The following PDZD2 variants were observed in gnomAD, a reference collection of about 807,000 sequenced individuals.
The protein encoded by PDZD2 is PDZ domain-containing protein 2.
In PDZD2, 90 loss-of-function variants were observed where a neutral mutation model predicts 220.7. That is an observed-to-expected ratio of 0.41 (90% CI 0.34 to 0.49). PDZD2 has a LOEUF of 0.49. Ranked by LOEUF, PDZD2 falls within the 20% of genes least tolerant of loss-of-function variation. The pLI is 0.28. For synonymous variants in PDZD2, 1,375 were observed against 1,450.5 expected, an observed-to-expected ratio of 0.95 and a Z score of 1.18; for missense variants, 3,174 against 3,608.5, an observed-to-expected ratio of 0.88 and a Z score of 3.08.
At chr5:31,668,723 A>G (rs1046956160) in intron 1 of PDZD2, among the ~76,000 whole-genome samples, 6 of 152,198 alleles carry the variant, frequency 3.9e-5, no homozygotes, top group African/African-American at 1.4e-4. Context: ...AGGGAAAACA[A>G]AATAATTCAA....
At chr5:31,692,000 T>TGCCCTGC (rs1478018307) in intron 1 of PDZD2, among the ~76,000 whole-genome samples, 1 of 152,230 alleles carries the variant, frequency 6.6e-6, no homozygotes, top group African/African-American at 2.4e-5. Context: ...GCCAGTCCTG[T>TGCCCTGC]GCCCTGCACC....
At chr5:32,093,161 A>ACAGC in intron 21 of PDZD2, 137 bp downstream of exon 21, 3 of 610,436 alleles carry the variant, frequency 4.9e-6, no homozygotes, top group Non-Finnish European at 8.9e-6. Context: ...TGCGAGTTTC[A>ACAGC]CAGCTCAGTC....
At chr5:31,889,716 G>A (rs567582690) in intron 2 of PDZD2, among the ~76,000 whole-genome samples, 6 of 152,192 alleles carry the variant, frequency 3.9e-5, no homozygotes, top group African/African-American at 1.4e-4. Context: ...TCCTCTTCTT[G>A]GAGGCATTAA....
chr5:32,031,465 T>A (rs186028568), intron 6 of PDZD2, among the ~76,000 whole-genome samples: 1 of 152,364 alleles, frequency 6.6e-6, no homozygotes, highest in African/African-American at 2.4e-5. Context: ...TTCAGGCACA[T>A]GCCTTTAAAA....
At chr5:31,676,721 A>G (rs1746442392) in intron 1 of PDZD2, among the ~76,000 whole-genome samples, 1 of 151,472 alleles carries the variant, frequency 6.6e-6, no homozygotes, top group South Asian at 2.1e-4. Context: ...CGCCCTGCTA[A>G]TTTTTGTATT....
chr5:31,639,314 G>C lies in PDZD2; in HGVS notation c.-484G>C, dbSNP rs1194931165. The C allele has an allele frequency of 6.7e-6, 1 of 149,906 alleles. No homozygotes were observed. Among genetic ancestry groups the C allele is most frequent in the Non-Finnish European group, 1.5e-5 (1 of 67,188 alleles). 9.3% of individuals were successfully genotyped at this position (149,906 alleles called of 1,614,324 possible). A position where few individuals can be genotyped will look rare whatever the true frequency, so the allele number is the denominator to read the frequency against. On this transcript the variant is annotated 5_prime_UTR_variant, in exon 1 of 25. Coordinates refer to ENST00000438447, the MANE Select transcript of PDZD2 (RefSeq NM_178140.4). This position sits in a 1 kb window ranked among gnomAD's most constrained non-coding sequence, Gnocchi z 4.1. ...CGGCGAACCGCGGCTCTGCAGCTCGGGGCAGGCGCGGCGGCGGCACCGGTG... is the reference window on the plus strand; with the variant it reads ...CGGCGAACCGCGGCTCTGCAGCTCGCGGCAGGCGCGGCGGCGGCACCGGTG...
At chr5:31,811,481 T>A (rs1376136345) in intron 2 of PDZD2, among the ~76,000 whole-genome samples, 2 of 152,186 alleles carry the variant, frequency 1.3e-5, no homozygotes. Flanking sequence ...TGACTTAAAT[T>A]TAGCCATGTC....
At chr5:31,815,305 G>T (rs1439415275) in intron 2 of PDZD2, among the ~76,000 whole-genome samples, 1 of 145,244 alleles carries the variant, frequency 6.9e-6, no homozygotes, top group South Asian at 2.1e-4. Context: ...GACTGTAAAA[G>T]GTGCTAGACT....
At position 31,996,179 on chromosome 5, in the gene PDZD2, TC is replaced by T. The variant is rs756827305; in HGVS notation, c.1121+462del. On this transcript the variant is annotated intron_variant, in intron 4 of 24. Transcript: ENST00000438447. ...TCCACTTGTCAGGTCTATCAGGATT[TC>T]AGGCATACTTAGATATATGTATCTC... Among the ~76,000 whole-genome samples the T allele has an allele frequency of 2.8e-4, 42 of 152,318 alleles. No homozygotes were observed. In the Middle Eastern group the frequency reaches 0.01, roughly 37 times the overall value.
At position 31,974,128 on chromosome 5, in the gene PDZD2, C is replaced by T. The variant is rs545946889; in HGVS notation, c.477-9027C>T. Among the ~76,000 whole-genome samples, 4 of 152,172 alleles carry T rather than the reference C, an allele frequency of 2.6e-5. 1 individual carries two copies. The South Asian group carries it at 8.3e-4, about 32-fold the overall frequency. ...CCCAAGTAGCTGGGATTACAGGCACCCGCTACCACGCCCAGCTAATTTTTG... is the reference window on the plus strand; with the variant it reads ...CCCAAGTAGCTGGGATTACAGGCACTCGCTACCACGCCCAGCTAATTTTTG... On this transcript the variant is annotated intron_variant, in intron 2 of 24. Coordinates refer to ENST00000438447, the MANE Select transcript of PDZD2 (RefSeq NM_178140.4).
rs75808611 is a variant in PDZD2, at chr5:31,990,552, A to C, written c.979-5024A>C. ...AACTGGACCAGGGTTCACACAATGA[A>C]CACTGGCAAACAGACAGATCTCCCA... On this transcript the variant is annotated intron_variant, in intron 3 of 24. Coordinates refer to ENST00000438447, the MANE Select transcript of PDZD2 (RefSeq NM_178140.4). 2.2e-3 allele frequency among the ~76,000 whole-genome samples: 340 copies of C among 152,354 alleles called. 4 individuals are homozygous for C. The highest frequency in any genetic ancestry group is 7.7e-3 in the African/African-American group (320 of 41,588).
intron 1 of PDZD2, among the ~76,000 whole-genome samples, chr5:31,665,697 CCTT>C (rs562870384): frequency 7.0e-6 from 1 of 142,792 alleles, no homozygotes; most frequent in South Asian, 2.4e-4. Flanking sequence ...TTGCTCTTCA[CCTT>C]CTGCCATGAT....
At chr5:31,978,680 C>A (rs935957126) in intron 2 of PDZD2, among the ~76,000 whole-genome samples, 4 of 138,492 alleles carry the variant, frequency 2.9e-5, no homozygotes, top group Admixed American at 1.5e-4. Flanking sequence ...GCACCGCTGC[C>A]CTCTAGCCTG....
At chr5:31,899,639 A>G (rs1024648208) in intron 2 of PDZD2, among the ~76,000 whole-genome samples, 9 of 152,190 alleles carry the variant, frequency 5.9e-5, no homozygotes, top group Non-Finnish European at 1.0e-4. Flanking sequence ...TGTGTTTACT[A>G]TGATCGAATG....
intron 1 of PDZD2, among the ~76,000 whole-genome samples, chr5:31,749,669 G>C (rs1750819553): frequency 1.3e-5 from 2 of 152,136 alleles, no homozygotes; most frequent in Admixed American, 1.3e-4. Context: ...TGATCTGCCT[G>C]CCTTGGCCTC....
chr5:31,801,946 A>C (rs1320775792), intron 2 of PDZD2, among the ~76,000 whole-genome samples: 1 of 152,130 alleles, frequency 6.6e-6, no homozygotes, highest in Non-Finnish European at 1.5e-5. Flanking sequence ...CTACCAATGG[A>C]GGATTCCTTG....
intron 2 of PDZD2, chr5:31,840,975 G>C (rs1185994657): frequency 6.9e-6 from 3 of 432,146 alleles, no homozygotes. Flanking sequence ...TTCTCATTTT[G>C]GCGAATTACT....
chr5:31,662,922 A>G (rs749116013), intron 1 of PDZD2, among the ~76,000 whole-genome samples: 16 of 152,104 alleles, frequency 1.1e-4, no homozygotes, highest in East Asian at 3.9e-4. Flanking sequence ...GAGCCACCTC[A>G]CCTGGCCAAG....
intron 2 of PDZD2, among the ~76,000 whole-genome samples, chr5:31,876,700 C>G (rs1168645074): frequency 6.6e-6 from 1 of 152,186 alleles, no homozygotes; most frequent in Non-Finnish European, 1.5e-5. Flanking sequence ...GTCTTCAATA[C>G]TATTTTGAAA....
Sources: allele counts gnomAD v4.1 joint callset (sites outside exome capture counted in the v4.1 genomes callset), GRCh38; gene constraint gnomAD v4.1.1; non-coding constraint Gnocchi (gnomAD v3.1); transcripts MANE v1.5; gene names NCBI Gene and HGNC (gene_info 2026-07-23, HGNC 2026-07-21).